Variants in TMTC1 observed in about 807,000 individuals in gnomAD.
TMTC1 encodes transmembrane O-mannosyltransferase targeting cadherins 1.
A neutral mutation model predicts 104.8 loss-of-function variants in TMTC1; 73 were observed. That is an observed-to-expected ratio of 0.70 (90% confidence interval 0.58 to 0.85). The LOEUF (loss-of-function observed/expected upper bound fraction) is 0.85, where lower values mean the gene tolerates loss of function less well. Among genes scored for constraint, TMTC1 ranks in the 40% least tolerant of loss-of-function variants. TMTC1 has a pLI of 0.00. For missense variants in TMTC1, 1,035 were observed against 1,096.1 expected (o/e 0.94, Z 0.79); for synonymous variants, 434 against 428.7 (o/e 1.01, Z -0.15).
At chr12:29,763,010 G>A (rs1013299576) in intron 2 of TMTC1, among the ~76,000 whole-genome samples, 1 of 152,194 alleles carries the variant, frequency 6.6e-6, no homozygotes, top group Admixed American at 6.5e-5. Context: ...ACCGAGAAGG[G>A]CACTCATCAC....
chr12:29,769,303 GAA>G (rs1178417376), intron 1 of TMTC1, among the ~76,000 whole-genome samples: 1 of 152,122 alleles, frequency 6.6e-6, no homozygotes, highest in Admixed American at 6.5e-5. Flanking sequence ...ACTAAGCCTA[GAA>G]AACTAAATTG....
intron 5 of TMTC1, among the ~76,000 whole-genome samples, chr12:29,664,544 C>A (rs2136657457): frequency 6.6e-6 from 1 of 152,238 alleles, no homozygotes; most frequent in Non-Finnish European, 1.5e-5. Context: ...GAAGTAGAAC[C>A]AAATAACAAC....
chr12:29,738,296 G>A (rs1194285958), intron 5 of TMTC1, among the ~76,000 whole-genome samples: 1 of 152,132 alleles, frequency 6.6e-6, no homozygotes, highest in Non-Finnish European at 1.5e-5. Flanking sequence ...ATGTAAACAA[G>A]GAAGGAAATT....
rs192061369 is a variant in TMTC1 at position 29,613,818 on chromosome 12, C to T, written c.1129-9519G>A. The T allele has an allele frequency of 2.5e-3, 863 of 350,494 alleles. 1 individual carries two copies. Among genetic ancestry groups the T allele is most frequent in the Non-Finnish European group, 3.0e-3 (756 of 249,576 alleles). The allele number at this position is 350,494 out of a possible 1,614,324, so 21.7% of individuals were successfully genotyped here. ...ATGTTTCTGTTAGGAAGACATCCCTCGGGCAAAGTCTTCCAAAGCAGGATG... is the reference window on the plus strand; with the variant it reads ...ATGTTTCTGTTAGGAAGACATCCCTTGGGCAAAGTCTTCCAAAGCAGGATG... On this transcript the variant is annotated intron_variant, in intron 6 of 17. Transcript: ENST00000539277.
intron 5 of TMTC1, among the ~76,000 whole-genome samples, chr12:29,662,424 G>A (rs2136647864): frequency 6.6e-6 from 1 of 152,268 alleles, no homozygotes; most frequent in South Asian, 2.1e-4. Flanking sequence ...GGCGGAGGCA[G>A]GCGGATCACG....
chr12:29,706,525 CG>C (rs1565783047), intron 5 of TMTC1, among the ~76,000 whole-genome samples: 1 of 152,094 alleles, frequency 6.6e-6, no homozygotes. Flanking sequence ...AGGATTCAGT[CG>C]GGAAGTAATT....
At chr12:29,537,361 C>A (rs1944674002) in intron 10 of TMTC1, among the ~76,000 whole-genome samples, 1 of 152,172 alleles carries the variant, frequency 6.6e-6, no homozygotes. Context: ...TCACAACAAT[C>A]ACATATGGTA....
At chr12:29,672,379 A>AG (rs1940551804) in intron 5 of TMTC1, among the ~76,000 whole-genome samples, 1 of 152,162 alleles carries the variant, frequency 6.6e-6, no homozygotes, top group African/African-American at 2.4e-5. Flanking sequence ...TGCTAGTGGG[A>AG]GGGGTCATTT....
chr12:29,641,927 G>A (rs925626568), intron 5 of TMTC1, among the ~76,000 whole-genome samples: 9 of 152,158 alleles, frequency 5.9e-5, no homozygotes, highest in Non-Finnish European at 1.3e-4. Context: ...TTGGATACAT[G>A]TTTAGAAATG....
chr12:29,710,141 TCCC>T (rs1941860828), intron 5 of TMTC1, among the ~76,000 whole-genome samples: 1 of 152,104 alleles, frequency 6.6e-6, no homozygotes, highest in Non-Finnish European at 1.5e-5. Context: ...CTCGTTTGTT[TCCC>T]TCTTTTCTAC....
intron 5 of TMTC1, 80 bp downstream of exon 5, chr12:29,751,586 A>T: frequency 6.7e-7 from 1 of 1,488,894 alleles, no homozygotes. Context: ...TCAGTGCTTC[A>T]CTTCCCCAGG....
At chr12:29,743,232 T>C (rs1942872058) in intron 5 of TMTC1, among the ~76,000 whole-genome samples, 1 of 152,292 alleles carries the variant, frequency 6.6e-6, no homozygotes, top group South Asian at 2.1e-4. Flanking sequence ...GGGGGCAGAA[T>C]TGGAGCCCAG....
intron 8 of TMTC1, among the ~76,000 whole-genome samples, chr12:29,581,505 T>A (rs893638526): frequency 1.3e-5 from 2 of 152,190 alleles, no homozygotes; most frequent in African/African-American, 4.8e-5. Flanking sequence ...AGATACTACA[T>A]ACTTCCATCT....
intron 10 of TMTC1, among the ~76,000 whole-genome samples, chr12:29,550,883 G>C (rs915810258): frequency 2.8e-5 from 4 of 144,086 alleles, no homozygotes; most frequent in African/African-American, 1.1e-4. Flanking sequence ...AAAGAGCAGG[G>C]AGATTGCATC....
At chr12:29,549,638 C>G (rs1408194433) in intron 10 of TMTC1, among the ~76,000 whole-genome samples, 1 of 151,930 alleles carries the variant, frequency 6.6e-6, no homozygotes, top group Non-Finnish European at 1.5e-5. Context: ...GCAAAGCAAG[C>G]AGGAGTCTAC....
At chr12:29,527,361 A>C (rs1166752263) in intron 11 of TMTC1, among the ~76,000 whole-genome samples, 1 of 152,216 alleles carries the variant, frequency 6.6e-6, no homozygotes, top group African/African-American at 2.4e-5. Flanking sequence ...TGAGAGACAC[A>C]ATCCCTACCT....
At chr12:29,629,503 A>G (rs904321869) in intron 6 of TMTC1, among the ~76,000 whole-genome samples, 1 of 152,162 alleles carries the variant, frequency 6.6e-6, no homozygotes, top group African/African-American at 2.4e-5. Context: ...GGACCTCCTG[A>G]GGCTGTGTCA....
At chr12:29,542,518 C>T (rs1944829852) in intron 10 of TMTC1, among the ~76,000 whole-genome samples, 1 of 152,086 alleles carries the variant, frequency 6.6e-6, no homozygotes, top group Non-Finnish European at 1.5e-5. Flanking sequence ...CTTAAATCAA[C>T]ACTTCTGAAA....
intron 1 of TMTC1, among the ~76,000 whole-genome samples, chr12:29,777,118 CAG>C (rs1357246683): frequency 1.2e-4 from 18 of 150,338 alleles, no homozygotes; most frequent in Admixed American, 8.0e-4. Flanking sequence ...TTTTTTTTAA[CAG>C]AGTCTCGCTC....
Sources: allele counts gnomAD v4.1 joint callset (sites outside exome capture counted in the v4.1 genomes callset), GRCh38; gene constraint gnomAD v4.1.1; transcripts MANE v1.5; gene names NCBI Gene and HGNC (gene_info 2026-07-23, HGNC 2026-07-21).